BBS9: variants seen among roughly 807,000 people sequenced by gnomAD.
BBS9 encodes protein PTHB1.
In BBS9, 89 loss-of-function variants were observed where a neutral mutation model predicts 117.7. The ratio of observed to expected loss-of-function variants is 0.76; its 90% CI spans 0.64 to 0.90. The LOEUF is 0.90. Ranked by LOEUF, BBS9 falls within the 40% of genes least tolerant of loss-of-function variation. The pLI is 0.00. For missense variants in BBS9, 982 were observed against 1,042.2 expected (o/e 0.94, Z 0.80); for synonymous variants, 379 against 370.9 (o/e 1.02, Z -0.25).
In BBS9 at chr7:33,281,366, CTTT is replaced by C. The variant is rs397890694; in HGVS notation, c.1016+7433_1016+7435del. On this transcript the variant is annotated intron_variant, in intron 9 of 22. Transcript: ENST00000242067. ...GTTATTGGTATGCTGTGGTCTATGCCTTTTTTTTTTTTTTTTTTTTTTTTTGAG... is the reference window on the plus strand; with the variant it reads ...GTTATTGGTATGCTGTGGTCTATGCCTTTTTTTTTTTTTTTTTTTTTTGAG... 0.015 allele frequency among the ~76,000 whole-genome samples: 644 copies of C among 43,868 alleles called. 7 individuals are homozygous for C. The East Asian group carries it at 0.19, about 13-fold the overall frequency. The allele number at this position is 43,868 out of a possible 152,430, so 28.8% of individuals were successfully genotyped here. A position where few individuals can be genotyped will look rare whatever the true frequency, so the allele number is the denominator to read the frequency against.
chr7:33,420,691 T>C (rs547991588), intron 19 of BBS9, among the ~76,000 whole-genome samples: 3 of 152,268 alleles, frequency 2.0e-5, no homozygotes, highest in African/African-American at 7.2e-5. Flanking sequence ...TGGAAACTTT[T>C]CCTGTGAACC....
chr7:33,524,512 T>C (rs971485703), intron 20 of BBS9, among the ~76,000 whole-genome samples: 10 of 152,360 alleles, frequency 6.6e-5, no homozygotes, highest in African/African-American at 2.4e-4. Flanking sequence ...ATCCATTTCT[T>C]CTAGATTTTC....
chr7:33,611,817 A>ATATATAATATTAT (rs537690396), intron 21 of BBS9, among the ~76,000 whole-genome samples: 100 of 141,154 alleles, frequency 7.1e-4, no homozygotes, highest in African/African-American at 2.4e-3. Context: ...CTTAAACCTT[A>ATATATAATATTAT]TATATAATAT....
chr7:33,177,776 G>T (rs867766671), intron 5 of BBS9, 185 bp downstream of exon 5: 1 of 594,430 alleles, frequency 1.7e-6, no homozygotes, highest in Non-Finnish European at 3.0e-6. Flanking sequence ...GCCTGATATC[G>T]TCTGATCTTG....
intron 21 of BBS9, among the ~76,000 whole-genome samples, chr7:33,615,331 T>A (rs73314633): frequency 0.015 from 2,217 of 152,162 alleles, 51 homozygotes; most frequent in African/African-American, 0.051. Context: ...TCTAGTATAC[T>A]AAGGGTTCTG....
chr7:33,226,544 T>C (rs1189927593), intron 5 of BBS9, among the ~76,000 whole-genome samples: 1 of 152,216 alleles, frequency 6.6e-6, no homozygotes, highest in Non-Finnish European at 1.5e-5. Context: ...TCTGTGTATA[T>C]GTCCAAAAGA....
chr7:33,422,807 G>T (rs1448346767), intron 19 of BBS9, among the ~76,000 whole-genome samples: 3 of 152,020 alleles, frequency 2.0e-5, no homozygotes, highest in Non-Finnish European at 2.9e-5. Flanking sequence ...ACAGGGTCTT[G>T]CTGTGTTTCC....
intron 17 of BBS9, among the ~76,000 whole-genome samples, chr7:33,373,698 T>A (rs1465924665): frequency 1.3e-5 from 2 of 152,178 alleles, no homozygotes; most frequent in African/African-American, 2.4e-5. Context: ...AAAAGGTAAC[T>A]AATACATCGG....
intron 9 of BBS9, among the ~76,000 whole-genome samples, chr7:33,301,367 T>C (rs1806398787): frequency 6.6e-6 from 1 of 152,054 alleles, no homozygotes; most frequent in Admixed American, 6.6e-5. Context: ...TAAGTCTTAG[T>C]CATTCTTTCT....
chr7:33,130,889 G>T (rs966286315), intron 1 of BBS9, among the ~76,000 whole-genome samples: 5 of 152,012 alleles, frequency 3.3e-5, no homozygotes, highest in African/African-American at 1.2e-4. Flanking sequence ...TATATTTATG[G>T]TACAACTTCT....
At chr7:33,533,923 G>A (rs1421524662) in intron 20 of BBS9, 31 bp from the exon 21 acceptor site, 5 of 1,609,068 alleles carry the variant, frequency 3.1e-6, no homozygotes, top group Non-Finnish European at 4.3e-6. Context: ...TGTCATCTTT[G>A]TATTAATTCA....
intron 5 of BBS9, among the ~76,000 whole-genome samples, chr7:33,190,120 T>G (rs1279204623): frequency 1.5e-5 from 1 of 65,076 alleles, no homozygotes; most frequent in Non-Finnish European, 3.2e-5. Flanking sequence ...ACATGGGGAT[T>G]TTTTTTTTTT....
Position 33,604,867 on chromosome 7 carries a change from G to T in BBS9, c.2524G>T (p.Gly842Cys), listed in dbSNP as rs1864343749. ...TATTGTTTGTATTTTTCAACTAGGT[G>T]GTTGTACTACAATCCCAGAGTCAGA... ...AAPQTMVMPG[G>C]CTTIPESDLE... is the part of the protein sequence containing the mutation. Residue 842 changes from glycine to cysteine, a missense_variant and splice_region_variant, in exon 22 of 23, where the codon GGT becomes TGT. Physicochemically the swap from Gly to Cys is radical, Grantham distance 159 (BLOSUM62 -3). Coordinates refer to ENST00000242067, the MANE Select transcript of BBS9 (RefSeq NM_198428.3). 2 of 1,604,400 alleles carry T rather than the reference G, an allele frequency of 1.2e-6. No individual in the cohort carries two copies. The highest frequency in any genetic ancestry group is 1.7e-6 in the Non-Finnish European group (2 of 1,171,536).
At chr7:33,561,702 A>C (rs900966842) in intron 21 of BBS9, among the ~76,000 whole-genome samples, 3 of 152,114 alleles carry the variant, frequency 2.0e-5, no homozygotes, top group Admixed American at 1.3e-4. Flanking sequence ...GAACAAGAGA[A>C]AAGAAGAACA....
At chr7:33,579,581 T>C (rs1465074719) in intron 21 of BBS9, among the ~76,000 whole-genome samples, 1 of 152,178 alleles carries the variant, frequency 6.6e-6, no homozygotes, top group Admixed American at 6.5e-5. Flanking sequence ...GGATATTACC[T>C]GTCATTTTAA....
intron 19 of BBS9, among the ~76,000 whole-genome samples, chr7:33,503,099 G>C (rs1239449704): frequency 1.3e-5 from 2 of 152,094 alleles, no homozygotes; most frequent in Non-Finnish European, 2.9e-5. Context: ...GCAAGTATGA[G>C]CATTTAACTC....
At chr7:33,532,154 C>A (rs563621266) in intron 20 of BBS9, among the ~76,000 whole-genome samples, 1 of 152,346 alleles carries the variant, frequency 6.6e-6, no homozygotes, top group Admixed American at 6.5e-5. Context: ...CCTTGGATGG[C>A]AATGCCTGAG....
chr7:33,541,952 T>A (rs540953934), intron 21 of BBS9, among the ~76,000 whole-genome samples: 55 of 116,106 alleles, frequency 4.7e-4, no homozygotes, highest in African/African-American at 1.8e-3. Context: ...TAAACTTGTT[T>A]AAAAACATTT....
intron 19 of BBS9, among the ~76,000 whole-genome samples, chr7:33,470,331 A>G (rs1285393696): frequency 6.6e-6 from 1 of 151,988 alleles, no homozygotes; most frequent in Non-Finnish European, 1.5e-5. Context: ...AGGTCACTCA[A>G]TTATAGGGGA....
Sources: allele counts gnomAD v4.1 joint callset (sites outside exome capture counted in the v4.1 genomes callset), GRCh38; gene constraint gnomAD v4.1.1; transcripts MANE v1.5; gene names NCBI Gene and HGNC (gene_info 2026-07-23, HGNC 2026-07-21).